Variants in CHRNB2 observed in about 807,000 individuals in gnomAD.
CHRNB2 encodes cholinergic receptor nicotinic beta 2 subunit, also known as neuronal acetylcholine receptor subunit beta-2.
CHRNB2 carries 33 observed loss-of-function variants against 42.7 expected under a neutral mutation model. That is an observed-to-expected ratio of 0.77 (90% confidence interval 0.59 to 1.03). CHRNB2 has a LOEUF of 1.03. Among genes scored for constraint, CHRNB2 ranks in the 50% least tolerant of loss-of-function variants. The probability of loss-of-function intolerance (pLI) is 0.00; values close to 1 mark genes in which losing one functional copy is unlikely to be tolerated. For missense variants in CHRNB2, 603 were observed against 700.9 expected (o/e 0.86, Z 1.58); for synonymous variants, 325 against 292.9 (o/e 1.11, Z -1.12).
At position 154,571,221 on chromosome 1, in the gene CHRNB2, C is replaced by G. The variant is rs775416120; in HGVS notation, c.398C>G (p.Ser133Cys). The G allele has an allele frequency of 6.2e-7, 1 of 1,614,210 alleles. No homozygotes were observed. Among genetic ancestry groups the G allele is most frequent in the Non-Finnish European group, 8.5e-7 (1 of 1,180,052 alleles). Reference sequence around the variant, plus strand: ...GGCATGTACGAGGTGTCCTTCTATTCCAATGCCGTGGTCTCCTATGATGGC... The same window carrying G: ...GGCATGTACGAGGTGTCCTTCTATTGCAATGCCGTGGTCTCCTATGATGGC... ...ADGMYEVSFY[S>C]NAVVSYDGSI... Residue 133 changes from serine to cysteine, a missense_variant, in exon 5 of 6, where the codon TCC becomes TGC. Physicochemically the swap from Ser to Cys is moderately radical, Grantham distance 112. This residue lies in a region of CHRNB2 where 333 missense variants were observed against 452.6 expected (regional missense o/e 0.74). Transcript: ENST00000368476. The surrounding 1 kb of genome is among the most constrained non-coding windows in gnomAD (Gnocchi z 6.8).
Position 154,576,395 on chromosome 1 carries a change from G to T in CHRNB2, c.*463G>T. ...AGCTCTGAAGGGAGGGGAAGAGAGA[G>T]GCCTGGGTGTGACCTGACACCTGCC... is the stretch of plus-strand genomic sequence containing the variant. On this transcript the variant is annotated 3_prime_UTR_variant, in exon 6 of 6. Transcript: ENST00000368476. 3.6e-6 allele frequency: 1 copy of T among 279,884 alleles called. No individual in the cohort carries two copies. The highest frequency in any genetic ancestry group is 7.0e-6 in the Non-Finnish European group (1 of 141,922). 17.3% of individuals were successfully genotyped at this position (279,884 alleles called of 1,614,324 possible).
Position 154,579,415 on chromosome 1 carries a change from C to T in CHRNB2, c.*3483C>T, listed in dbSNP as rs1032353132. On this transcript the variant is annotated 3_prime_UTR_variant, in exon 6 of 6. Coordinates refer to ENST00000368476, the MANE Select transcript of CHRNB2 (RefSeq NM_000748.3). ...TGCTGGGCCTGAACCCCAAAGTCCA[C>T]ACTCTTGCTATAGCCGCTGAGGCAG... 1.3e-5 allele frequency: 2 copies of T among 152,250 alleles called. No individual in the cohort carries two copies. Among genetic ancestry groups the T allele is most frequent in the African/African-American group, 4.8e-5 (2 of 41,444 alleles). The allele number at this position is 152,250 out of a possible 1,614,324, so 9.4% of individuals were successfully genotyped here.
chr1:154,568,320 G>A (rs1696099393), intron 1 of CHRNB2, among the ~76,000 whole-genome samples: 1 of 152,234 alleles, frequency 6.6e-6, no homozygotes, highest in South Asian at 2.1e-4. Context: ...GAAGGAGTAA[G>A]TGAAGCAAGA....
At chr1:154,573,351 T>C (rs938732793) in intron 5 of CHRNB2, among the ~76,000 whole-genome samples, 1 of 152,170 alleles carries the variant, frequency 6.6e-6, no homozygotes, top group Non-Finnish European at 1.5e-5. Context: ...CACCTCAAAC[T>C]CAACATGCTC....
rs776372933 is a variant in CHRNB2, at chr1:154,571,372, C to G, written c.549C>G (p.Ile183Met). The change falls in exon 5 of 6, where the codon ATC (isoleucine) becomes ATG (methionine). Residue 183 changes from isoleucine to methionine, a missense_variant. By Grantham distance (10) the Ile-to-Met change is conservative (BLOSUM62 1). Transcript: ENST00000368476. This position sits in a 1 kb window ranked among gnomAD's most constrained non-coding sequence, Gnocchi z 6.8. ...FRSWTYDRTE[I>M]DLVLKSEVAS... ...CGTGGACCTACGACCGCACAGAGAT[C>G]GACTTGGTGCTGAAGAGTGAGGTGG... 16 of 1,614,112 alleles carry G rather than the reference C, an allele frequency of 9.9e-6. 1 individual carries two copies. The East Asian group carries it at 3.3e-4, about 34-fold the overall frequency.
Position 154,571,552 on chromosome 1 carries a change from C to A in CHRNB2, c.729C>A (p.Ile243=). 1 of 1,614,174 alleles carries A rather than the reference C, an allele frequency of 6.2e-7. No homozygotes were observed. Among genetic ancestry groups the A allele is most frequent in the South Asian group, 1.1e-5 (1 of 91,084 alleles). Residue 243 remains isoleucine, a synonymous_variant, in exon 5 of 6, where the codon ATC becomes ATA. Transcript: ENST00000368476. This position sits in a 1 kb window ranked among gnomAD's most constrained non-coding sequence, Gnocchi z 6.8. ...KPLFYTINLI[I]PCVLITSLAI... is the part of the protein sequence containing the mutation. ...TCTTCTACACCATCAACCTCATCAT[C>A]CCCTGTGTGCTCATCACCTCGCTAG... is the stretch of plus-strand genomic sequence containing the variant.
Position 154,571,518 on chromosome 1 carries a change from G to T in CHRNB2, c.695G>T (p.Arg232Leu), listed in dbSNP as rs79646221. The T allele has an allele frequency of 1.2e-6, 2 of 1,613,760 alleles. No individual in the cohort carries two copies. The highest frequency in any genetic ancestry group is 3.3e-5 in the Admixed American group (2 of 60,010). ...ATCACGTATGACTTCATCATTCGCC[G>T]CAAGCCGCTCTTCTACACCATCAAC... ...VDITYDFIIR[R>L]KPLFYTINLI... Residue 232 changes from arginine to leucine, a missense_variant, in exon 5 of 6, where the codon CGC becomes CTC. Physicochemically the swap from Arg to Leu is moderately radical, Grantham distance 102. Around this residue, in one of 2 missense-constraint regions of CHRNB2, gnomAD observed 333 missense variants for 452.6 expected, o/e 0.74. Coordinates refer to ENST00000368476, the MANE Select transcript of CHRNB2 (RefSeq NM_000748.3). This position sits in a 1 kb window ranked among gnomAD's most constrained non-coding sequence, Gnocchi z 6.8.
At chr1:154,568,175 C>G in intron 1 of CHRNB2, 67 bp downstream of exon 1, 2 of 1,516,308 alleles carry the variant, frequency 1.3e-6, no homozygotes, top group Non-Finnish European at 1.8e-6. Context: ...TCGCCGCCCT[C>G]TGACTCACCC....
chr1:154,576,213 G>A lies in CHRNB2; in HGVS notation c.*281G>A, dbSNP rs1220079950. ...GAGCAAGGCTGCTAAGTGGAAGACAGAGATGGCAGAGCCATCCACCCTGAG... is the reference window on the plus strand; with the variant it reads ...GAGCAAGGCTGCTAAGTGGAAGACAAAGATGGCAGAGCCATCCACCCTGAG... On this transcript the variant is annotated 3_prime_UTR_variant, in exon 6 of 6. Coordinates refer to ENST00000368476, the MANE Select transcript of CHRNB2 (RefSeq NM_000748.3). 1 of 493,500 alleles carries A rather than the reference G, an allele frequency of 2.0e-6. No individual in the cohort carries two copies. Among genetic ancestry groups the A allele is most frequent in the East Asian group, 3.8e-5 (1 of 26,338 alleles). 30.6% of individuals were successfully genotyped at this position (493,500 alleles called of 1,614,324 possible). A position where few individuals can be genotyped will look rare whatever the true frequency, so the allele number is the denominator to read the frequency against.
At position 154,567,940 on chromosome 1, in the gene CHRNB2, CA is replaced by C; in HGVS notation, c.-104del. 8.9e-7 allele frequency: 1 copy of C among 1,118,304 alleles called. No individual in the cohort carries two copies. The highest frequency in any genetic ancestry group is 3.1e-4 in the Middle Eastern group (1 of 3,216). 69.3% of individuals were successfully genotyped at this position (1,118,304 alleles called of 1,614,324 possible). On this transcript the variant is annotated 5_prime_UTR_variant, in exon 1 of 6. Transcript: ENST00000368476. ...GGCCGGCACCACCTGGACCCAGCTC[CA>C]GGCGGGCGCGGCTTCAGCACCACGG...
Position 154,571,217 on chromosome 1 carries a change from T to C in CHRNB2, c.394T>C (p.Tyr132His), listed in dbSNP as rs1064793323. ...NADGMYEVSFYSNAVVSYDGS... is the reference protein window; with the variant it reads ...NADGMYEVSFHSNAVVSYDGS... ...TGACGGCATGTACGAGGTGTCCTTCTATTCCAATGCCGTGGTCTCCTATGA... is the reference window on the plus strand; with the variant it reads ...TGACGGCATGTACGAGGTGTCCTTCCATTCCAATGCCGTGGTCTCCTATGA... Residue 132 changes from tyrosine (Y) to histidine (H), a missense_variant, in exon 5 of 6, where the codon TAT (tyrosine) becomes CAT (histidine). Tyr to His is a moderately conservative substitution (Grantham distance 83, BLOSUM62 2). This residue lies in a region of CHRNB2 where 333 missense variants were observed against 452.6 expected (regional missense o/e 0.74). Coordinates refer to ENST00000368476, the MANE Select transcript of CHRNB2 (RefSeq NM_000748.3). The surrounding 1 kb of genome is among the most constrained non-coding windows in gnomAD (Gnocchi z 6.8). The C allele has an allele frequency of 6.2e-7, 1 of 1,614,214 alleles. No individual in the cohort carries two copies. Among genetic ancestry groups the C allele is most frequent in the East Asian group, 2.2e-5 (1 of 44,888 alleles).
In CHRNB2 at chr1:154,578,398, G is replaced by A. The variant is rs201128885; in HGVS notation, c.*2466G>A. The stretch of plus-strand genomic sequence containing the variant: ...ACCCGGTTAACACACGAGTAAACAG[G>A]CCTAGAGCTTGTCTGCTGTTTGACC... On this transcript the variant is annotated 3_prime_UTR_variant, in exon 6 of 6. Transcript: ENST00000368476. 1 of 152,274 alleles carries A rather than the reference G, an allele frequency of 6.6e-6. No individual in the cohort carries two copies. Among genetic ancestry groups the A allele is most frequent in the Non-Finnish European group, 1.5e-5 (1 of 68,060 alleles). The allele number at this position is 152,274 out of a possible 1,614,324, so 9.4% of individuals were successfully genotyped here.
chr1:154,575,799 A>G lies in CHRNB2; in HGVS notation c.1376A>G (p.Asp459Gly). The G allele has an allele frequency of 6.2e-7, 1 of 1,614,044 alleles. No individual in the cohort carries two copies. The highest frequency in any genetic ancestry group is 8.5e-7 in the Non-Finnish European group (1 of 1,180,018). The change falls in exon 6 of 6, where the codon GAC becomes GGC. Residue 459 changes from aspartate to glycine, a missense_variant. Transcript: ENST00000368476. ...EDWKYVAMVI[D>G]RLFLWIFVFV... ...TGGAAGTACGTCGCCATGGTGATCG[A>G]CCGCCTCTTCCTCTGGATCTTTGTC...
intron 5 of CHRNB2, among the ~76,000 whole-genome samples, chr1:154,574,284 G>C (rs960061357): frequency 6.6e-6 from 1 of 152,144 alleles, no homozygotes; most frequent in African/African-American, 2.4e-5. Context: ...TTCAGTGATC[G>C]ACTGCTGGAA....
chr1:154,574,010 A>G (rs1417365197), intron 5 of CHRNB2, among the ~76,000 whole-genome samples: 6 of 152,178 alleles, frequency 3.9e-5, no homozygotes, highest in Non-Finnish European at 4.4e-5. Flanking sequence ...TCAGTCTCCC[A>G]AAGTGCTGGG....
rs778458803 is a variant in CHRNB2, at chr1:154,571,858, G to T, written c.1035G>T (p.Ala345=). The T allele has an allele frequency of 1.7e-5, 27 of 1,607,928 alleles. No individual in the cohort carries two copies. Among genetic ancestry groups the T allele is most frequent in the Admixed American group, 3.4e-5 (2 of 59,544 alleles). The part of the protein sequence containing the change: ...VKVVFLEKLP[A]LLFMQQPRHH... ...TCGTCTTCCTGGAGAAGCTGCCCGC[G>T]CTGCTCTTCATGCAGCAGCCACGCC... is the stretch of plus-strand genomic sequence containing the variant. The change falls in exon 5 of 6, where the codon GCG becomes GCT. Residue 345 remains alanine, a synonymous_variant. Transcript: ENST00000368476. The surrounding 1 kb of genome is among the most constrained non-coding windows in gnomAD (Gnocchi z 6.8).
Position 154,575,941 on chromosome 1 carries a change from C to T in CHRNB2, c.*9C>T. ...CCCCCAGCTCCAAGTGAGGCCCTTCCTCATCTCCATGCTCTTTCACCCTGC... is the reference window on the plus strand; with the variant it reads ...CCCCCAGCTCCAAGTGAGGCCCTTCTTCATCTCCATGCTCTTTCACCCTGC... On this transcript the variant is annotated 3_prime_UTR_variant, in exon 6 of 6. Coordinates refer to ENST00000368476, the MANE Select transcript of CHRNB2 (RefSeq NM_000748.3). The T allele has an allele frequency of 6.2e-7, 1 of 1,614,150 alleles. No individual in the cohort carries two copies. Among genetic ancestry groups the T allele is most frequent in the Non-Finnish European group, 8.5e-7 (1 of 1,180,032 alleles).
chr1:154,574,719 C>T (rs1696239353), intron 5 of CHRNB2, among the ~76,000 whole-genome samples: 1 of 152,224 alleles, frequency 6.6e-6, no homozygotes, highest in Admixed American at 6.5e-5. Flanking sequence ...TGCTCCACCT[C>T]CCTCAGTAGA....
At position 154,577,695 on chromosome 1, in the gene CHRNB2, C is replaced by G. The variant is rs199960573; in HGVS notation, c.*1763C>G. On this transcript the variant is annotated 3_prime_UTR_variant, in exon 6 of 6. Coordinates refer to ENST00000368476, the MANE Select transcript of CHRNB2 (RefSeq NM_000748.3). ...CTCCCTCCCAGGCCCACTCTTCCCC[C>G]CTCTTCCCTGAGGAAACCAAGTCTC... 3 of 152,260 alleles carry G rather than the reference C, an allele frequency of 2.0e-5. No homozygotes were observed. The highest frequency in any genetic ancestry group is 6.5e-5 in the Admixed American group (1 of 15,284). The allele number at this position is 152,260 out of a possible 1,614,324, so 9.4% of individuals were successfully genotyped here.
Sources: allele counts gnomAD v4.1 joint callset (sites outside exome capture counted in the v4.1 genomes callset), GRCh38; gene constraint gnomAD v4.1.1; regional missense constraint gnomAD v4.1.1; non-coding constraint Gnocchi (gnomAD v3.1); transcripts MANE v1.5; gene names NCBI Gene and HGNC (gene_info 2026-07-23, HGNC 2026-07-21).